The following ST6GAL1 variants were observed in gnomAD, a reference collection of about 807,000 sequenced individuals.
ST6GAL1 encodes the protein beta-galactoside alpha-2,6-sialyltransferase 1.
A neutral mutation model predicts 38.0 loss-of-function variants in ST6GAL1; 20 were observed. The ratio of observed to expected loss-of-function variants is 0.53; its 90% CI spans 0.37 to 0.77. The LOEUF (loss-of-function observed/expected upper bound fraction) is 0.77, where lower values mean the gene tolerates loss of function less well. Among genes scored for constraint, ST6GAL1 ranks in the 30% least tolerant of loss-of-function variants. The pLI, the probability that ST6GAL1 is intolerant of heterozygous loss-of-function variation, is 0.00. For missense variants in ST6GAL1, 432 were observed against 496.4 expected (o/e 0.87, Z 1.23); for synonymous variants, 196 against 188.2 (o/e 1.04, Z -0.34).
intron 2 of ST6GAL1, among the ~76,000 whole-genome samples, chr3:186,983,049 C>T (rs760480393): frequency 1.3e-5 from 2 of 152,054 alleles, no homozygotes; most frequent in Non-Finnish European, 2.9e-5. Context: ...GTCTCAGGTA[C>T]GCTAAGTTTG....
At position 187,043,168 on chromosome 3, in the gene ST6GAL1, C is replaced by G; in HGVS notation, c.465C>G (p.Val155=). The G allele has an allele frequency of 6.2e-7, 1 of 1,614,226 alleles. No individual in the cohort carries two copies. Among genetic ancestry groups the G allele is most frequent in the Non-Finnish European group, 8.5e-7 (1 of 1,180,040 alleles). ...RDHVNVSMVE[V]TDFPFNTSEW... Reference sequence around the variant, plus strand: ...ATGTGAATGTATCCATGGTAGAGGTCACAGATTTTCCCTTCAATACCTCTG... The same window carrying G: ...ATGTGAATGTATCCATGGTAGAGGTGACAGATTTTCCCTTCAATACCTCTG... Residue 155 remains valine (V), a synonymous_variant, in exon 4 of 8, where the codon GTC becomes GTG. Coordinates refer to ENST00000169298, the MANE Select transcript of ST6GAL1 (RefSeq NM_173216.2).
At chr3:186,993,561 TTTATTTATTTATTTATTTA>T (rs1716254375) in intron 2 of ST6GAL1, among the ~76,000 whole-genome samples, 33 of 77,304 alleles carry the variant, frequency 4.3e-4, no homozygotes, top group South Asian at 3.7e-3. Context: ...CAGAGTTTTA[TTTATTTATTTATTTATTTA>T]TTTATTTATT....
rs9875795 is a variant in ST6GAL1 at position 186,952,006 on chromosome 3, G to T, written c.-324-11779G>T. 0.049 allele frequency among the ~76,000 whole-genome samples: 7,496 copies of T among 152,174 alleles called. 573 individuals carry two copies. Among genetic ancestry groups the T allele is most frequent in the African/African-American group, 0.17 (6,853 of 41,468 alleles). ...CTACTGTATGAGTCCATGTTGCCTT[G>T]CTATAAAGGAAAACCTGAGACTGAG... On this transcript the variant is annotated intron_variant, in intron 1 of 7. Coordinates refer to ENST00000169298, the MANE Select transcript of ST6GAL1 (RefSeq NM_173216.2). The surrounding 1 kb of genome is among the most constrained non-coding windows in gnomAD (Gnocchi z 4.1).
chr3:186,958,343 G>A (rs1714813953), intron 1 of ST6GAL1, among the ~76,000 whole-genome samples: 1 of 152,278 alleles, frequency 6.6e-6, no homozygotes, highest in South Asian at 2.1e-4. Flanking sequence ...AGCTATTAGT[G>A]TTGACTTAAT....
Position 186,956,164 on chromosome 3 carries a change from A to T in ST6GAL1, c.-324-7621A>T, listed in dbSNP as rs564432880. On this transcript the variant is annotated intron_variant, in intron 1 of 7. Coordinates refer to ENST00000169298, the MANE Select transcript of ST6GAL1 (RefSeq NM_173216.2). Reference sequence around the variant, plus strand: ...TGTCTTGTTGCAAGCAGCCGGTCCCACAGAGTGAGAAAAATCCCTGTGAAA... The same window carrying T: ...TGTCTTGTTGCAAGCAGCCGGTCCCTCAGAGTGAGAAAAATCCCTGTGAAA... Among the ~76,000 whole-genome samples the T allele has an allele frequency of 3.9e-5, 6 of 152,170 alleles. No homozygotes were observed. The East Asian group carries it at 1.2e-3, about 29-fold the overall frequency.
At chr3:187,027,599 C>A (rs1248013847) in intron 2 of ST6GAL1, among the ~76,000 whole-genome samples, 1 of 152,128 alleles carries the variant, frequency 6.6e-6, no homozygotes, top group Non-Finnish European at 1.5e-5. Context: ...TTCCGGCCCC[C>A]CTTCTTGCCC....
At chr3:187,003,817 A>G (rs371920885) in intron 2 of ST6GAL1, among the ~76,000 whole-genome samples, 3 of 152,314 alleles carry the variant, frequency 2.0e-5, no homozygotes, top group South Asian at 2.1e-4. Flanking sequence ...TTACATCCCT[A>G]TGCTACTTTA....
rs1389746833 is a variant in ST6GAL1, at chr3:186,966,240, G to A, written c.-183+2314G>A. Among the ~76,000 whole-genome samples, 3 of 152,172 alleles carry A rather than the reference G, an allele frequency of 2.0e-5. No individual in the cohort carries two copies. In the East Asian group the frequency reaches 5.8e-4, roughly 29 times the overall value. ...TCTGAGAATCTTTAGATCTATTTATGACAAAGGGAAGGAAGGGAAGAGGCT... is the reference window on the plus strand; with the variant it reads ...TCTGAGAATCTTTAGATCTATTTATAACAAAGGGAAGGAAGGGAAGAGGCT... On this transcript the variant is annotated intron_variant, in intron 2 of 7. Coordinates refer to ENST00000169298, the MANE Select transcript of ST6GAL1 (RefSeq NM_173216.2).
At chr3:186,987,098 T>G (rs73069475) in intron 2 of ST6GAL1, among the ~76,000 whole-genome samples, 1 of 143,616 alleles carries the variant, frequency 7.0e-6, no homozygotes, top group Non-Finnish European at 1.5e-5. Flanking sequence ...TTACCATTTC[T>G]GAGAGAAGTC....
At chr3:186,985,659 C>T (rs1445673538) in intron 2 of ST6GAL1, among the ~76,000 whole-genome samples, 1 of 150,640 alleles carries the variant, frequency 6.6e-6, no homozygotes, top group African/African-American at 2.4e-5. Flanking sequence ...CCTATAGTCC[C>T]AGCTACTCAG....
chr3:187,044,566 G>T (rs531207795), intron 4 of ST6GAL1, among the ~76,000 whole-genome samples: 2 of 152,228 alleles, frequency 1.3e-5, no homozygotes, highest in Admixed American at 1.3e-4. Context: ...GAAACTAAAT[G>T]TGATTGGTTT....
At chr3:187,041,068 G>A (rs1440176549) in intron 3 of ST6GAL1, among the ~76,000 whole-genome samples, 1 of 151,550 alleles carries the variant, frequency 6.6e-6, no homozygotes, top group Non-Finnish European at 1.5e-5. Context: ...AGGCTGAGCT[G>A]CTGCTCTCCT....
chr3:186,999,417 T>TG (rs2108551633), intron 2 of ST6GAL1, among the ~76,000 whole-genome samples: 2 of 150,936 alleles, frequency 1.3e-5, no homozygotes, highest in African/African-American at 4.8e-5. Context: ...TAATCTCTTT[T>TG]TTTTTTTTTT....
intron 2 of ST6GAL1, among the ~76,000 whole-genome samples, chr3:187,006,902 G>A (rs576680260): frequency 2.0e-5 from 3 of 152,168 alleles, no homozygotes; most frequent in Non-Finnish European, 2.9e-5. Context: ...TTTTCTAGCT[G>A]GGAGAAAAAG....
At chr3:187,043,986 A>G (rs878902607) in intron 4 of ST6GAL1, 3 of 152,232 alleles carry the variant, frequency 2.0e-5, no homozygotes, top group Admixed American at 2.0e-4. Flanking sequence ...ATTGCGTGCA[A>G]AACTGTCTGT....
intron 2 of ST6GAL1, among the ~76,000 whole-genome samples, chr3:187,012,326 C>T (rs1019804943): frequency 1.3e-5 from 2 of 151,798 alleles, no homozygotes; most frequent in African/African-American, 4.8e-5. Flanking sequence ...GGCACGATCT[C>T]GGCTCACTGC....
chr3:187,072,841 T>C lies in ST6GAL1; in HGVS notation c.706-8T>C, dbSNP rs1330436492. 1 of 1,612,258 alleles carries C rather than the reference T, an allele frequency of 6.2e-7. No individual in the cohort carries two copies. Among genetic ancestry groups the C allele is most frequent in the Admixed American group, 1.7e-5 (1 of 60,022 alleles). Reference sequence around the variant, plus strand: ...TTCAAGCGACAGCTTATCTCTTTCTTCCTGCAGTTGGTTACCACAGAGAAG... The same window carrying C: ...TTCAAGCGACAGCTTATCTCTTTCTCCCTGCAGTTGGTTACCACAGAGAAG... On this transcript the variant is annotated splice_region_variant and splice_polypyrimidine_tract_variant and intron_variant, in intron 5 of 7. Transcript: ENST00000169298.
At chr3:187,017,714 T>C (rs938449384) in intron 2 of ST6GAL1, among the ~76,000 whole-genome samples, 2 of 152,062 alleles carry the variant, frequency 1.3e-5, no homozygotes, top group Non-Finnish European at 2.9e-5. Context: ...AATTAGAAAA[T>C]GTCAAGGAAC....
intron 2 of ST6GAL1, chr3:186,996,574 G>A (rs1258629709): frequency 1.3e-5 from 2 of 152,126 alleles, no homozygotes; most frequent in Non-Finnish European, 2.9e-5. Flanking sequence ...AAGAACTTAC[G>A]GCACACCTGC....
Sources: gnomAD v4.1 joint callset for allele counts (sites outside exome capture counted in the v4.1 genomes callset) on GRCh38, gnomAD v4.1.1 for gene constraint, Gnocchi (gnomAD v3.1) non-coding constraint, MANE v1.5 for transcripts, NCBI Gene and HGNC (gene_info 2026-07-23, HGNC 2026-07-21) for gene names.